WDR97: variants seen among roughly 807,000 people sequenced by gnomAD.
The protein encoded by WDR97 is WD repeat-containing protein 97.
Under a neutral mutation model 65.4 loss-of-function variants are expected in WDR97, and 111 were observed. That is an observed-to-expected ratio of 1.70 (90% CI 1.45 to 1.99). The LOEUF (loss-of-function observed/expected upper bound fraction) is 1.99, where lower values mean the gene tolerates loss of function less well. Among genes scored for constraint, WDR97 ranks in the 30% most tolerant of loss-of-function variants. The pLI is 0.00. For synonymous variants in WDR97, 802 were observed against 397.7 expected (o/e 2.02, Z -12.10); for missense variants, 1,674 against 865.0 (o/e 1.94, Z -11.73).
In WDR97 at chr8:144,113,986, G is replaced by C. The variant is rs1046355362; in HGVS notation, c.3418G>C (p.Asp1140His). ...ACTGCTGCTCCCCTAGAGTGCTGTG[G>C]ACTGGACCCAGGAGCCCCGGCGGCG... The part of the protein sequence containing the change: ...SWELEDQSAV[D>H]WTQEPRRRSC... The change falls in exon 18 of 24, where the codon GAC becomes CAC. Residue 1140 changes from aspartate to histidine, a missense_variant. Coordinates refer to ENST00000323662, the MANE Select transcript of WDR97 (RefSeq NM_001316309.2). 59 of 702,632 alleles carry C rather than the reference G, an allele frequency of 8.4e-5. No individual in the cohort carries two copies. Among genetic ancestry groups the C allele is most frequent in the African/African-American group, 8.4e-4 (48 of 57,382 alleles). The allele number at this position is 702,632 out of a possible 1,614,324, so 43.5% of individuals were successfully genotyped here.
At position 144,116,158 on chromosome 8, in the gene WDR97, G is replaced by T. The variant is rs1313920363; in HGVS notation, c.4734G>T (p.Pro1578=). ...LDGPIRTLKL[P]LPRVEPQPFP... Reference sequence around the variant, plus strand: ...GCCCCATCCGGACGCTGAAGCTGCCGTTGCCGCGTGTGGAGCCGCAGCCTT... The same window carrying T: ...GCCCCATCCGGACGCTGAAGCTGCCTTTGCCGCGTGTGGAGCCGCAGCCTT... Residue 1578 remains proline (P), a synonymous_variant, in exon 24 of 24, where the codon CCG becomes CCT. Transcript: ENST00000323662. 4.3e-6 allele frequency: 3 copies of T among 699,962 alleles called. No homozygotes were observed. Among genetic ancestry groups the T allele is most frequent in the Non-Finnish European group, 7.8e-6 (3 of 383,600 alleles). The allele number at this position is 699,962 out of a possible 1,614,324, so 43.4% of individuals were successfully genotyped here. A position where few individuals can be genotyped will look rare whatever the true frequency, so the allele number is the denominator to read the frequency against.
In WDR97 at chr8:144,108,708, G is replaced by C. The variant is rs916375774; in HGVS notation, c.642G>C (p.Ala214=). Residue 214 remains alanine, a synonymous_variant, in exon 3 of 24, where the codon GCG becomes GCC. Coordinates refer to ENST00000323662, the MANE Select transcript of WDR97 (RefSeq NM_001316309.2). The stretch of plus-strand genomic sequence containing the variant: ...CCGACCTCAGGCTGCTGCTCGTTGC[G>C]GAGATGAACAGCAGCCTGGCGCTCT... The part of the protein sequence containing the change: ...PVPDLRLLLV[A]EMNSSLALWQ... 1 of 701,006 alleles carries C rather than the reference G, an allele frequency of 1.4e-6. No homozygotes were observed. Among genetic ancestry groups the C allele is most frequent in the Non-Finnish European group, 2.6e-6 (1 of 384,584 alleles). The allele number at this position is 701,006 out of a possible 1,614,324, so 43.4% of individuals were successfully genotyped here.
Position 144,108,355 on chromosome 8 carries a change from G to A in WDR97, c.289G>A (p.Gly97Arg), listed in dbSNP as rs1284766699. 1.4e-6 allele frequency: 1 copy of A among 695,620 alleles called. No homozygotes were observed. The highest frequency in any genetic ancestry group is 2.4e-4 in the Middle Eastern group (1 of 4,098). The allele number at this position is 695,620 out of a possible 1,614,324, so 43.1% of individuals were successfully genotyped here. Residue 97 changes from glycine to arginine, a missense_variant, in exon 3 of 24, where the codon GGG (glycine) becomes AGG (arginine). By Grantham distance (125) the Gly-to-Arg change is moderately radical. Coordinates refer to ENST00000323662, the MANE Select transcript of WDR97 (RefSeq NM_001316309.2). ...GCTGCGCGCGGCGCGCCTGACGCAT[G>A]GGCTGGAACCACTGCGCCGCCTGGA... The part of the protein sequence containing the change: ...AELRAARLTH[G>R]LEPLRRLEVA...
chr8:144,110,502 C>G lies in WDR97; in HGVS notation c.2005C>G (p.Leu669Val). 2 of 702,990 alleles carry G rather than the reference C, an allele frequency of 2.8e-6. No individual in the cohort carries two copies. The highest frequency in any genetic ancestry group is 5.2e-6 in the Non-Finnish European group (2 of 384,960). The allele number at this position is 702,990 out of a possible 1,614,324, so 43.5% of individuals were successfully genotyped here. ...GGACCCAGACAGCGCTACCTACGGC[C>G]TGGTGCAGTTTGGCCTGGGCGACAG... Reference protein sequence around the residue: ...FEDPDSATYGLVQFGLGDSPR... With the variant: ...FEDPDSATYGVVQFGLGDSPR... Residue 669 changes from leucine to valine, a missense_variant, in exon 7 of 24, where the codon CTG becomes GTG. Transcript: ENST00000323662.
At chr8:144,110,297 C>A in intron 6 of WDR97, 41 bp downstream of exon 6, 2 of 702,202 alleles carry the variant, frequency 2.8e-6, no homozygotes, top group East Asian at 5.4e-5. Context: ...GCCACAGAGC[C>A]CCCTCCCCTC....
Position 144,111,928 on chromosome 8 carries a change from G to A in WDR97, c.2679G>A (p.Gly893=), listed in dbSNP as rs1836558712. ...SGRGSQQWSA[G]TLRVERETRD... ...GGGGGTCCCAGCAGTGGAGTGCCGGGACCCTCAGAGTGGAGAGAGAGACCC... is the reference window on the plus strand; with the variant it reads ...GGGGGTCCCAGCAGTGGAGTGCCGGAACCCTCAGAGTGGAGAGAGAGACCC... Residue 893 remains glycine (G), a synonymous_variant, in exon 13 of 24, where the codon GGG becomes GGA. Coordinates refer to ENST00000323662, the MANE Select transcript of WDR97 (RefSeq NM_001316309.2). The A allele has an allele frequency of 1.4e-6, 1 of 702,348 alleles. No homozygotes were observed. Among genetic ancestry groups the A allele is most frequent in the Non-Finnish European group, 2.6e-6 (1 of 384,894 alleles). 43.5% of individuals were successfully genotyped at this position (702,348 alleles called of 1,614,324 possible).
Position 144,115,806 on chromosome 8 carries a change from T to A in WDR97, c.4543T>A (p.Tyr1515Asn). The A allele has an allele frequency of 1.4e-6, 1 of 690,776 alleles. No individual in the cohort carries two copies. The highest frequency in any genetic ancestry group is 1.5e-5 in the South Asian group (1 of 66,454). The allele number at this position is 690,776 out of a possible 1,614,324, so 42.8% of individuals were successfully genotyped here. A position where few individuals can be genotyped will look rare whatever the true frequency, so the allele number is the denominator to read the frequency against. ...TGCGCACCCACACCCGCCAGAGCCC[T>A]ACACGGTGGCGCCGGTGCCCGACAT... ...KAAHPHPPEP[Y>N]TVAPVPDMVV... The change falls in exon 22 of 24, where the codon TAC becomes AAC. Residue 1515 changes from tyrosine (Y) to asparagine (N), a missense_variant. Coordinates refer to ENST00000323662, the MANE Select transcript of WDR97 (RefSeq NM_001316309.2).
Position 144,115,375 on chromosome 8 carries a change from C to G in WDR97, c.4112C>G (p.Ala1371Gly). The stretch of plus-strand genomic sequence containing the variant: ...TCGCAGACGTCAGTGGTCTCTGGGG[C>G]ACCCACACGCGCCTCCGTGATACCC... Reference protein sequence around the residue: ...TPSQTSVVSGAPTRASVIPSG... With the variant: ...TPSQTSVVSGGPTRASVIPSG... The change falls in exon 22 of 24, where the codon GCA becomes GGA. Residue 1371 changes from alanine to glycine, a missense_variant. Coordinates refer to ENST00000323662, the MANE Select transcript of WDR97 (RefSeq NM_001316309.2). 8.1e-6 allele frequency: 5 copies of G among 615,624 alleles called. No individual in the cohort carries two copies. Among genetic ancestry groups the G allele is most frequent in the Non-Finnish European group, 8.8e-6 (3 of 340,680 alleles). The allele number at this position is 615,624 out of a possible 1,614,324, so 38.1% of individuals were successfully genotyped here.
chr8:144,117,533 G>C lies in WDR97; in HGVS notation c.*1240G>C, dbSNP rs903793773. The C allele has an allele frequency of 6.5e-6, 1 of 152,824 alleles. No homozygotes were observed. The highest frequency in any genetic ancestry group is 2.4e-5 in the African/African-American group (1 of 41,470). The allele number at this position is 152,824 out of a possible 1,614,324, so 9.5% of individuals were successfully genotyped here. The stretch of plus-strand genomic sequence containing the variant: ...CAGAAAGATAGCAGGGGGCAGGGGG[G>C]GATCTGAGGGACCCCACATGACTTA... On this transcript the variant is annotated 3_prime_UTR_variant, in exon 24 of 24. Coordinates refer to ENST00000323662, the MANE Select transcript of WDR97 (RefSeq NM_001316309.2).
intron 4 of WDR97, 38 bp from the exon 5 acceptor site, chr8:144,109,297 G>A (rs1836488654): frequency 2.9e-6 from 2 of 699,642 alleles, no homozygotes; most frequent in Non-Finnish European, 5.2e-6. Context: ...AGGCTCCCCT[G>A]CCTTCAGTCG....
Position 144,109,390 on chromosome 8 carries a change from G to T in WDR97, c.1056G>T (p.Ser352=), listed in dbSNP as rs913027418. 3.3e-5 allele frequency: 23 copies of T among 702,478 alleles called. No homozygotes were observed. The Admixed American group carries it at 4.6e-4, about 14-fold the overall frequency. 43.5% of individuals were successfully genotyped at this position (702,478 alleles called of 1,614,324 possible). A position where few individuals can be genotyped will look rare whatever the true frequency, so the allele number is the denominator to read the frequency against. ...LPNTTLVLSA[S]QDGTLRTWDL... ...ACACGACCCTGGTGTTGTCGGCCTC[G>T]CAGGACGGGACGCTACGCACCTGGG... The change falls in exon 5 of 24, where the codon TCG becomes TCT. Residue 352 remains serine, a synonymous_variant. Coordinates refer to ENST00000323662, the MANE Select transcript of WDR97 (RefSeq NM_001316309.2).
chr8:144,110,988 C>T lies in WDR97; in HGVS notation c.2296C>T (p.Leu766=), dbSNP rs776502597. ...SHRLYLPTSY[L]VKKMCRKAPD... The stretch of plus-strand genomic sequence containing the variant: ...CAGGCTCTACCTGCCTACATCCTAC[C>T]TAGTTAAGGTGTGTGGTGAGGACAG... The change falls in exon 9 of 24, where the codon CTA becomes TTA. Residue 766 remains leucine (L), a synonymous_variant. Transcript: ENST00000323662. 19 of 702,632 alleles carry T rather than the reference C, an allele frequency of 2.7e-5. No individual in the cohort carries two copies. Among genetic ancestry groups the T allele is most frequent in the Non-Finnish European group, 4.7e-5 (18 of 384,968 alleles). 43.5% of individuals were successfully genotyped at this position (702,632 alleles called of 1,614,324 possible). A position where few individuals can be genotyped will look rare whatever the true frequency, so the allele number is the denominator to read the frequency against.
In WDR97 at chr8:144,109,410, C is replaced by G. The variant is rs1836492048; in HGVS notation, c.1076C>G (p.Thr359Ser). 1 of 702,368 alleles carries G rather than the reference C, an allele frequency of 1.4e-6. No homozygotes were observed. The highest frequency in any genetic ancestry group is 2.6e-6 in the Non-Finnish European group (1 of 384,800). The allele number at this position is 702,368 out of a possible 1,614,324, so 43.5% of individuals were successfully genotyped here. The change falls in exon 5 of 24, where the codon ACC becomes AGC. Residue 359 changes from threonine to serine, a missense_variant. Physicochemically the swap from Thr to Ser is moderately conservative, Grantham distance 58 (BLOSUM62 1). Transcript: ENST00000323662. The part of the protein sequence containing the change: ...LSASQDGTLR[T>S]WDLQAAAQVG... ...GCCTCGCAGGACGGGACGCTACGCA[C>G]CTGGGACCTGCAGGCGGCGGCGCAG...
In WDR97 at chr8:144,116,141, C is replaced by T. The variant is rs1449011514; in HGVS notation, c.4717C>T (p.Arg1573Trp). The T allele has an allele frequency of 5.7e-6, 4 of 700,104 alleles. No homozygotes were observed. Among genetic ancestry groups the T allele is most frequent in the Non-Finnish European group, 7.8e-6 (3 of 383,588 alleles). The allele number at this position is 700,104 out of a possible 1,614,324, so 43.4% of individuals were successfully genotyped here. Residue 1573 changes from arginine (R) to tryptophan (W), a missense_variant, in exon 24 of 24, where the codon CGG becomes TGG. Coordinates refer to ENST00000323662, the MANE Select transcript of WDR97 (RefSeq NM_001316309.2). ...GGGCCGCACCCTGGACGGCCCCATC[C>T]GGACGCTGAAGCTGCCGTTGCCGCG... ...CAGRTLDGPI[R>W]TLKLPLPRVE...
At position 144,108,510 on chromosome 8, in the gene WDR97, C is replaced by T. The variant is rs1215151211; in HGVS notation, c.444C>T (p.Val148=). ...CACAGGAGACGCTGCTGGCGCCTGTCCGGCTTACGGGGCTGGTGACCGTGC... is the reference window on the plus strand; with the variant it reads ...CACAGGAGACGCTGCTGGCGCCTGTTCGGCTTACGGGGCTGGTGACCGTGC... ...GWAQETLLAP[V]RLTGLVTVLG... is the part of the protein sequence containing the mutation. The change falls in exon 3 of 24, where the codon GTC becomes GTT. Residue 148 remains valine, a synonymous_variant. Transcript: ENST00000323662. The T allele has an allele frequency of 4.3e-6, 3 of 700,804 alleles. No homozygotes were observed. Among genetic ancestry groups the T allele is most frequent in the African/African-American group, 1.7e-5 (1 of 57,212 alleles). The allele number at this position is 700,804 out of a possible 1,614,324, so 43.4% of individuals were successfully genotyped here.
Position 144,110,244 on chromosome 8 carries a change from A to C in WDR97, c.1831A>C (p.Ile611Leu), listed in dbSNP as rs1176630797. The change falls in exon 6 of 24, where the codon ATT becomes CTT. Residue 611 changes from isoleucine (I) to leucine (L), a missense_variant. Transcript: ENST00000323662. ...CGCCATCGCATCCACCTGGAACAGC[A>C]TTGTGTCTTCGGGTCAGTAGCTCCC... The part of the protein sequence containing the change: ...VVAIASTWNS[I>L]VSSGGDLTVK... The C allele has an allele frequency of 1.4e-6, 1 of 702,806 alleles. No individual in the cohort carries two copies. Among genetic ancestry groups the C allele is most frequent in the Admixed American group, 2.0e-5 (1 of 50,020 alleles). The allele number at this position is 702,806 out of a possible 1,614,324, so 43.5% of individuals were successfully genotyped here. A position where few individuals can be genotyped will look rare whatever the true frequency, so the allele number is the denominator to read the frequency against.
rs528827295 is a variant in WDR97, at chr8:144,111,110, C to G, written c.2314C>G (p.Arg772Gly). ...TCCTTCCCCTATTCAGAAGATGTGC[C>G]GGAAGGCCCCAGACGTGGTGGACGA... is the stretch of plus-strand genomic sequence containing the variant. ...PTSYLVKKMC[R>G]KAPDVVDDPP... The change falls in exon 10 of 24, where the codon CGG becomes GGG. Residue 772 changes from arginine to glycine, a missense_variant. Coordinates refer to ENST00000323662, the MANE Select transcript of WDR97 (RefSeq NM_001316309.2). 2.8e-6 allele frequency: 2 copies of G among 702,694 alleles called. No individual in the cohort carries two copies. Among genetic ancestry groups the G allele is most frequent in the South Asian group, 1.5e-5 (1 of 67,612 alleles). 43.5% of individuals were successfully genotyped at this position (702,694 alleles called of 1,614,324 possible). A position where few individuals can be genotyped will look rare whatever the true frequency, so the allele number is the denominator to read the frequency against.
chr8:144,112,804 G>C, intron 15 of WDR97: 1 of 540,236 alleles, frequency 1.9e-6, no homozygotes, highest in East Asian at 2.9e-5. Context: ...CCCCCAGCCG[G>C]TTATGCCACA....
intron 4 of WDR97, 24 bp from the exon 5 acceptor site, chr8:144,109,311 G>A: frequency 1.4e-6 from 1 of 700,948 alleles, no homozygotes; most frequent in Non-Finnish European, 2.6e-6. Context: ...TCAGTCGGCC[G>A]AGTGACCTGC....
Sources: allele counts gnomAD v4.1 joint callset, GRCh38; gene constraint gnomAD v4.1.1; transcripts MANE v1.5; gene names NCBI Gene and HGNC (gene_info 2026-07-23, HGNC 2026-07-21).